Variants in DAB1 observed in about 807,000 individuals in gnomAD.
DAB1 encodes disabled homolog 1.
A neutral mutation model predicts 64.6 loss-of-function variants in DAB1; 15 were observed. The observed-to-expected ratio is 0.23, with a 90% CI of 0.16 to 0.36. DAB1 has a LOEUF of 0.36. Ranked by LOEUF, DAB1 falls within the 10% of genes least tolerant of loss-of-function variation. DAB1 has a pLI of 1.00. For synonymous variants in DAB1, 235 were observed against 251.9 expected, an observed-to-expected ratio of 0.93 and a Z score of 0.64; for missense variants, 596 against 706.7, an observed-to-expected ratio of 0.84 and a Z score of 1.78.
intron 4 of DAB1, among the ~76,000 whole-genome samples, chr1:57,116,720 AAAG>A (rs1343345610): frequency 6.6e-5 from 10 of 152,250 alleles, no homozygotes; most frequent in South Asian, 4.1e-4. Context: ...TGGTGGAAAA[AAAG>A]AAGATTATAG....
At chr1:57,902,247 C>T (rs1487905935) in intron 5 of DAB1, among the ~76,000 whole-genome samples, 2 of 151,678 alleles carry the variant, frequency 1.3e-5, no homozygotes, top group African/African-American at 4.8e-5. Context: ...TTACTAGATT[C>T]ACCAAATGTT....
intron 5 of DAB1, among the ~76,000 whole-genome samples, chr1:57,894,899 A>G (rs969243235): frequency 4.6e-5 from 7 of 152,148 alleles, no homozygotes; most frequent in Non-Finnish European, 1.0e-4. Flanking sequence ...CTATCCACTC[A>G]CATCACACAA....
In DAB1 at chr1:58,249,679, T is replaced by G. The variant is rs539916997; in HGVS notation, n.309+93673A>C. Among the ~76,000 whole-genome samples the G allele has an allele frequency of 2.6e-5, 4 of 151,816 alleles. No homozygotes were observed. The East Asian group carries it at 7.9e-4, about 30-fold the overall frequency. ...CTCGACGCTGCCCAGCCAGCCAGAG[T>G]CCAGTCGTCGACGCGGATGAAGTTG... On this transcript the variant is annotated intron_variant and non_coding_transcript_variant, in intron 4 of 20. Transcript: ENST00000485760.
intron 4 of DAB1, among the ~76,000 whole-genome samples, chr1:58,261,357 T>C (rs1360694556): frequency 6.6e-6 from 1 of 152,090 alleles, no homozygotes; most frequent in East Asian, 1.9e-4. Context: ...GACTTGCAAA[T>C]ACCTAACTCT....
chr1:58,335,583 T>G, intron 4 of DAB1, among the ~76,000 whole-genome samples: 1 of 144,562 alleles, frequency 6.9e-6, no homozygotes, highest in Non-Finnish European at 1.5e-5. Flanking sequence ...GTGTAGGCAT[T>G]AGCCTGGAGG....
At chr1:57,108,839 A>G (rs138803311) in intron 4 of DAB1, among the ~76,000 whole-genome samples, 8 of 152,286 alleles carry the variant, frequency 5.3e-5, no homozygotes, top group East Asian at 3.9e-4. Context: ...TTCTAGGAAG[A>G]CTAAATACAA....
intron 3 of DAB1, among the ~76,000 whole-genome samples, chr1:58,470,340 A>AT (rs139823121): frequency 0.01 from 1,566 of 151,966 alleles, 23 homozygotes; most frequent in African/African-American, 0.036. Flanking sequence ...CACCCAGCTA[A>AT]TTTTTGCAGT....
chr1:58,205,252 C>A (rs926567022), intron 4 of DAB1, among the ~76,000 whole-genome samples: 2 of 151,698 alleles, frequency 1.3e-5, no homozygotes, highest in Non-Finnish European at 2.9e-5. Flanking sequence ...TATTTTTTTT[C>A]TCTCACAGGC....
chr1:58,319,501 T>C (rs1166153958), intron 4 of DAB1, among the ~76,000 whole-genome samples: 1 of 152,190 alleles, frequency 6.6e-6, no homozygotes, highest in Non-Finnish European at 1.5e-5. Context: ...TTCTCAGGAC[T>C]CTTCCTTCTC....
intron 3 of DAB1, among the ~76,000 whole-genome samples, chr1:58,479,871 C>A (rs545699584): frequency 3.6e-4 from 54 of 151,964 alleles, no homozygotes; most frequent in Non-Finnish European, 5.6e-4. Context: ...AATAATAAAA[C>A]CTAGTAGGGT....
intron 1 of DAB1, among the ~76,000 whole-genome samples, chr1:58,532,661 G>A (rs1646452503): frequency 6.6e-6 from 1 of 152,088 alleles, no homozygotes; most frequent in Admixed American, 6.6e-5. Context: ...CAGAACAGCT[G>A]GAACTACAGG....
At chr1:57,397,030 G>A (rs1682866285) in intron 1 of DAB1, among the ~76,000 whole-genome samples, 1 of 152,072 alleles carries the variant, frequency 6.6e-6, no homozygotes, top group African/African-American at 2.4e-5. Context: ...ATAAAAGACT[G>A]GTTTATTCAA....
At chr1:58,220,580 C>T (rs193106765) in intron 4 of DAB1, among the ~76,000 whole-genome samples, 38 of 152,060 alleles carry the variant, frequency 2.5e-4, no homozygotes, top group Admixed American at 2.3e-3. Context: ...AGTATAGAGC[C>T]CGCCACATAA....
At chr1:57,206,968 CTTTTT>C (rs201111039) in intron 2 of DAB1, among the ~76,000 whole-genome samples, 1,162 of 84,528 alleles carry the variant, frequency 0.014, 14 homozygotes, top group African/African-American at 0.054. Context: ...TCCTTCCTTC[CTTTTT>C]TTTTTTTTTT....
intron 4 of DAB1, among the ~76,000 whole-genome samples, chr1:58,155,583 G>C (rs1655179199): frequency 6.6e-6 from 1 of 152,182 alleles, no homozygotes; most frequent in African/African-American, 2.4e-5. Context: ...GGACAAAACA[G>C]AAATAAAAAT....
chr1:57,759,282 C>T (rs1005791665), intron 6 of DAB1, among the ~76,000 whole-genome samples: 1 of 152,076 alleles, frequency 6.6e-6, no homozygotes, highest in Admixed American at 6.6e-5. Flanking sequence ...AGCTGTGTGG[C>T]CTTAGGGAAA....
chr1:57,245,994 A>G (rs1252696759), intron 2 of DAB1, among the ~76,000 whole-genome samples: 1 of 152,240 alleles, frequency 6.6e-6, no homozygotes, highest in Non-Finnish European at 1.5e-5. Flanking sequence ...GGTCTGAAAT[A>G]GGAACTTATA....
intron 5 of DAB1, among the ~76,000 whole-genome samples, chr1:58,086,102 T>C (rs1367542483): frequency 6.7e-6 from 1 of 150,308 alleles, no homozygotes; most frequent in Non-Finnish European, 1.5e-5. Flanking sequence ...TAGCTGGGAC[T>C]ACAGGCGCCC....
At chr1:57,501,106 T>G (rs552293766) in intron 7 of DAB1, among the ~76,000 whole-genome samples, 1 of 152,352 alleles carries the variant, frequency 6.6e-6, no homozygotes, top group East Asian at 1.9e-4. Context: ...TACCTTGATT[T>G]TGGACTGGTC....
Sources: gnomAD v4.1 joint callset for allele counts (sites outside exome capture counted in the v4.1 genomes callset) on GRCh38, gnomAD v4.1.1 for gene constraint, MANE v1.5 for transcripts, NCBI Gene and HGNC (gene_info 2026-07-23, HGNC 2026-07-21) for gene names.